Variants in EBF1 observed in about 807,000 individuals in gnomAD.
EBF1 encodes EBF transcription factor 1.
EBF1 carries 10 observed loss-of-function variants against 68.4 expected under a neutral mutation model. The ratio of observed to expected loss-of-function variants is 0.15; its 90% CI spans 0.09 to 0.25. The LOEUF is 0.25. Among genes scored for constraint, EBF1 ranks in the 10% least tolerant of loss-of-function variants. The pLI is 1.00. For missense variants in EBF1, 509 were observed against 794.4 expected (o/e 0.64, Z 4.32); for synonymous variants, 298 against 299.8 (o/e 0.99, Z 0.06).
chr5:158,769,691 A>G (rs1425466884), intron 10 of EBF1, among the ~76,000 whole-genome samples: 1 of 152,088 alleles, frequency 6.6e-6, no homozygotes, highest in African/African-American at 2.4e-5. Context: ...TCACATCAGC[A>G]TACATCTGAT....
chr5:159,081,004 G>A (rs1164661981), intron 5 of EBF1, among the ~76,000 whole-genome samples: 2 of 152,128 alleles, frequency 1.3e-5, no homozygotes, highest in African/African-American at 4.8e-5. Context: ...GTTTTGAGAT[G>A]GGGTCTCGTT....
At chr5:158,749,427 C>A (rs915679081) in intron 10 of EBF1, among the ~76,000 whole-genome samples, 2 of 152,110 alleles carry the variant, frequency 1.3e-5, no homozygotes, top group African/African-American at 4.8e-5. Flanking sequence ...GATTCTAAAA[C>A]CAACAGTGAC....
intron 9 of EBF1, among the ~76,000 whole-genome samples, chr5:158,778,970 G>T (rs919490862): frequency 4.0e-5 from 6 of 151,526 alleles, no homozygotes; most frequent in Admixed American, 2.0e-4. Context: ...GTTGTTCTTA[G>T]CACCTTCTAA....
chr5:158,816,671 A>T (rs1013658896), intron 8 of EBF1, among the ~76,000 whole-genome samples: 2 of 152,168 alleles, frequency 1.3e-5, no homozygotes, highest in African/African-American at 4.8e-5. Context: ...CAAATAATGC[A>T]GCAGTCCTCT....
At chr5:159,049,144 T>A (rs1773026680) in intron 6 of EBF1, among the ~76,000 whole-genome samples, 1 of 152,158 alleles carries the variant, frequency 6.6e-6, no homozygotes, top group African/African-American at 2.4e-5. Flanking sequence ...CTTCCTAAAA[T>A]GATCCCAGAA....
chr5:158,991,651 T>C (rs1257798765), intron 6 of EBF1, among the ~76,000 whole-genome samples: 1 of 152,232 alleles, frequency 6.6e-6, no homozygotes, highest in Non-Finnish European at 1.5e-5. Flanking sequence ...AAAGTATTTA[T>C]GCAAAAGCAA....
chr5:158,855,951 G>T (rs1403805537), intron 6 of EBF1, among the ~76,000 whole-genome samples: 1 of 152,200 alleles, frequency 6.6e-6, no homozygotes. Context: ...CTCCAGGCTA[G>T]ATTCTTAAGC....
rs77226742 is a variant in EBF1 at position 158,830,017 on chromosome 5, C to T, written c.637-6700G>A. 7.1e-3 allele frequency among the ~76,000 whole-genome samples: 1,085 copies of T among 152,244 alleles called. 19 individuals carry two copies. Among genetic ancestry groups the T allele is most frequent in the African/African-American group, 0.024 (1,012 of 41,554 alleles). ...TGGCTTTAAAGAACTCTAAAGAGAACGTGATTCTTAATAAATGCAATTTGA... is the reference window on the plus strand; with the variant it reads ...TGGCTTTAAAGAACTCTAAAGAGAATGTGATTCTTAATAAATGCAATTTGA... On this transcript the variant is annotated intron_variant, in intron 7 of 15. Transcript: ENST00000313708.
chr5:159,096,319 C>T (rs754073991), intron 3 of EBF1, 24 bp downstream of exon 3: 2 of 1,610,202 alleles, frequency 1.2e-6, no homozygotes, highest in South Asian at 1.1e-5. Flanking sequence ...CAGGGTGAGG[C>T]CATAGACCCG....
intron 6 of EBF1, among the ~76,000 whole-genome samples, chr5:159,041,602 G>A (rs1156642624): frequency 6.6e-6 from 1 of 152,128 alleles, no homozygotes; most frequent in South Asian, 2.1e-4. Context: ...TTTAAAAGCA[G>A]CCTAAATTTC....
At chr5:158,865,028 C>T (rs923131690) in intron 6 of EBF1, among the ~76,000 whole-genome samples, 25 of 152,254 alleles carry the variant, frequency 1.6e-4, no homozygotes, top group African/African-American at 4.8e-4. Context: ...GTTTTGAGCT[C>T]GGGTTCAGAT....
chr5:158,784,030 T>G (rs910391979), intron 9 of EBF1, among the ~76,000 whole-genome samples: 2 of 152,184 alleles, frequency 1.3e-5, no homozygotes, highest in East Asian at 3.9e-4. Flanking sequence ...CAGCTTTTAT[T>G]ATCTATATTG....
chr5:158,732,087 C>G (rs1052161212), intron 10 of EBF1, among the ~76,000 whole-genome samples: 2 of 152,148 alleles, frequency 1.3e-5, no homozygotes, highest in Admixed American at 6.5e-5. Context: ...GCCTCCACAT[C>G]CCTATATTCT....
At chr5:158,918,570 TTAA>T (rs1807703958) in intron 6 of EBF1, among the ~76,000 whole-genome samples, 1 of 152,180 alleles carries the variant, frequency 6.6e-6, no homozygotes, top group South Asian at 2.1e-4. Context: ...AAACTGAGAT[TTAA>T]TAATTTACTG....
chr5:159,022,285 G>A (rs1366100430), intron 6 of EBF1, among the ~76,000 whole-genome samples: 5 of 152,236 alleles, frequency 3.3e-5, no homozygotes, highest in African/African-American at 9.6e-5. Flanking sequence ...CAGAGGAAAT[G>A]TGCTCGGGGA....
chr5:158,785,741 A>C (rs1306268624), intron 9 of EBF1, among the ~76,000 whole-genome samples: 1 of 152,244 alleles, frequency 6.6e-6, no homozygotes, highest in Admixed American at 6.5e-5. Flanking sequence ...TTGAAATTAA[A>C]GTCTCAGGAA....
intron 6 of EBF1, among the ~76,000 whole-genome samples, chr5:159,039,220 T>C (rs1260802903): frequency 6.6e-6 from 1 of 152,206 alleles, no homozygotes; most frequent in Non-Finnish European, 1.5e-5. Flanking sequence ...TCTGGGTCCG[T>C]CAGAAAAGAA....
At chr5:159,048,509 C>A (rs1461372191) in intron 6 of EBF1, among the ~76,000 whole-genome samples, 4 of 152,200 alleles carry the variant, frequency 2.6e-5, no homozygotes, top group African/African-American at 9.7e-5. Flanking sequence ...AATGCTCTAG[C>A]CTCTTGTACT....
At chr5:158,891,463 C>A (rs961475726) in intron 6 of EBF1, among the ~76,000 whole-genome samples, 6 of 152,190 alleles carry the variant, frequency 3.9e-5, no homozygotes, top group African/African-American at 1.2e-4. Flanking sequence ...ATCTCTCCAG[C>A]ATCTCTCCCC....
Sources: gnomAD v4.1 joint callset for allele counts (sites outside exome capture counted in the v4.1 genomes callset) on GRCh38, gnomAD v4.1.1 for gene constraint, MANE v1.5 for transcripts, NCBI Gene and HGNC (gene_info 2026-07-23, HGNC 2026-07-21) for gene names.